The following LOXL2 variants were observed in gnomAD, a reference collection of about 807,000 sequenced individuals.
LOXL2 encodes the protein lysyl oxidase homolog 2.
LOXL2 carries 70 observed loss-of-function variants against 93.0 expected under a neutral mutation model. That is an observed-to-expected ratio of 0.75 (90% CI 0.62 to 0.92). The LOEUF is 0.92. Ranked by LOEUF, LOXL2 falls within the 40% of genes least tolerant of loss-of-function variation. The probability of loss-of-function intolerance (pLI) is 0.00; values close to 1 mark genes in which losing one functional copy is unlikely to be tolerated. For missense variants in LOXL2, 973 were observed against 1,054.9 expected, an observed-to-expected ratio of 0.92 and a Z score of 1.08; for synonymous variants, 438 against 413.2, an observed-to-expected ratio of 1.06 and a Z score of -0.73.
At chr8:23,355,111 T>G (rs1295061965) in intron 3 of LOXL2, among the ~76,000 whole-genome samples, 1 of 151,552 alleles carries the variant, frequency 6.6e-6, no homozygotes, top group East Asian at 1.9e-4. Context: ...CATGCCCAGC[T>G]AATTTGTATT....
chr8:23,302,514 A>ACCT (rs1398807959), intron 11 of LOXL2, among the ~76,000 whole-genome samples: 1 of 151,130 alleles, frequency 6.6e-6, no homozygotes, highest in Middle Eastern at 3.2e-3. Flanking sequence ...GGGGGGTCAT[A>ACCT]CTGTCTGTCT....
chr8:23,302,562 C>G (rs982451634), intron 11 of LOXL2, among the ~76,000 whole-genome samples: 8 of 152,168 alleles, frequency 5.3e-5, no homozygotes, highest in African/African-American at 1.9e-4. Context: ...AGGCCCATGT[C>G]TCTCTGACAC....
At chr8:23,334,970 C>T (rs1200473822) in intron 4 of LOXL2, among the ~76,000 whole-genome samples, 4 of 152,052 alleles carry the variant, frequency 2.6e-5, no homozygotes, top group Non-Finnish European at 5.9e-5. Flanking sequence ...GTACCTGCCA[C>T]CACATCCGGC....
Position 23,393,904 on chromosome 8 carries a change from T to C in LOXL2, c.-84+10050A>G, listed in dbSNP as rs141169176. On this transcript the variant is annotated intron_variant, in intron 1 of 13. Coordinates refer to ENST00000389131, the MANE Select transcript of LOXL2 (RefSeq NM_002318.3). ...CTAGAGGGTAAGCATCTGTAGCTTA[T>C]ACACTTCTGGATCCCCTGTGCTCAA... 2.5e-3 allele frequency among the ~76,000 whole-genome samples: 388 copies of C among 152,310 alleles called. 1 individual carries two copies. Among genetic ancestry groups the C allele is most frequent in the African/African-American group, 9.0e-3 (376 of 41,558 alleles).
chr8:23,319,126 A>G (rs1455682636), intron 8 of LOXL2, among the ~76,000 whole-genome samples: 1 of 152,236 alleles, frequency 6.6e-6, no homozygotes, highest in Non-Finnish European at 1.5e-5. Context: ...CAACCAGGAT[A>G]CTGAGGTCTT....
intron 4 of LOXL2, 110 bp from the exon 5 acceptor site, chr8:23,333,733 C>A: frequency 1.2e-6 from 1 of 854,438 alleles, no homozygotes; most frequent in Non-Finnish European, 1.8e-6. Context: ...GGAGCTCAGC[C>A]CTGCTTCACA....
At position 23,342,580 on chromosome 8, in the gene LOXL2, C is replaced by T. The variant is rs555133646; in HGVS notation, c.532-1377G>A. On this transcript the variant is annotated intron_variant, in intron 3 of 13. Coordinates refer to ENST00000389131, the MANE Select transcript of LOXL2 (RefSeq NM_002318.3). ...CCAAGTAGCTGGGACTACAGGCGCACGCCACCACACCCGGCCAATTGTTTG... is the reference window on the plus strand; with the variant it reads ...CCAAGTAGCTGGGACTACAGGCGCATGCCACCACACCCGGCCAATTGTTTG... Among the ~76,000 whole-genome samples, 278 of 152,068 alleles carry T rather than the reference C, an allele frequency of 1.8e-3. 1 individual carries two copies. The highest frequency in any genetic ancestry group is 5.0e-3 in the African/African-American group (206 of 41,488).
intron 1 of LOXL2, among the ~76,000 whole-genome samples, chr8:23,372,402 G>C (rs1804510725): frequency 1.3e-5 from 2 of 151,978 alleles, no homozygotes; most frequent in South Asian, 2.1e-4. Context: ...ATTTTGAGTA[G>C]AGATGGGGTT....
In LOXL2 at chr8:23,319,304, CAG is replaced by C. The variant is rs548994053; in HGVS notation, c.1470+579_1470+580del. 4.2e-3 allele frequency among the ~76,000 whole-genome samples: 634 copies of C among 152,082 alleles called. 6 individuals are homozygous for C. Among genetic ancestry groups the C allele is most frequent in the African/African-American group, 0.014 (593 of 41,414 alleles). ...GGGGCGGGAGGGTGGGAACTAGGACCAGAGCTCAGCTGTTCTCAGCTGAGTCA... is the reference window on the plus strand; with the variant it reads ...GGGGCGGGAGGGTGGGAACTAGGACCAGCTCAGCTGTTCTCAGCTGAGTCA... On this transcript the variant is annotated intron_variant, in intron 8 of 13. Coordinates refer to ENST00000389131, the MANE Select transcript of LOXL2 (RefSeq NM_002318.3).
chr8:23,395,919 C>T (rs1467547636), intron 1 of LOXL2, among the ~76,000 whole-genome samples: 5 of 152,104 alleles, frequency 3.3e-5, no homozygotes, highest in Admixed American at 1.3e-4. Flanking sequence ...GGCAATCCCC[C>T]AACCTTGGCC....
chr8:23,325,531 ATCCTCCTGCCTCTGCT>A (rs1212832933), intron 6 of LOXL2, among the ~76,000 whole-genome samples: 1 of 152,046 alleles, frequency 6.6e-6, no homozygotes, highest in Non-Finnish European at 1.5e-5. Flanking sequence ...GGCTCAAGTG[ATCCTCCTGCCTCTGCT>A]TCCCAAAGTC....
chr8:23,380,510 C>G (rs1804667840), intron 1 of LOXL2, among the ~76,000 whole-genome samples: 1 of 151,904 alleles, frequency 6.6e-6, no homozygotes, highest in Non-Finnish European at 1.5e-5. Flanking sequence ...ACTCCTAAAT[C>G]TTTTCTAGAA....
intron 6 of LOXL2, among the ~76,000 whole-genome samples, chr8:23,322,630 T>G (rs1247996823): frequency 6.6e-6 from 1 of 152,222 alleles, no homozygotes; most frequent in African/African-American, 2.4e-5. Context: ...TAATATTCCA[T>G]GCATTTATGA....
chr8:23,351,216 A>T (rs1234916527), intron 3 of LOXL2, among the ~76,000 whole-genome samples: 1 of 152,118 alleles, frequency 6.6e-6, no homozygotes, highest in Non-Finnish European at 1.5e-5. Context: ...GGGTCGGGGG[A>T]TTCCTTGGCA....
rs893461874 is a variant in LOXL2 at position 23,303,358 on chromosome 8, C to T, written c.1920G>A (p.Leu640=). 6.2e-7 allele frequency: 1 copy of T among 1,613,576 alleles called. No individual in the cohort carries two copies. Among genetic ancestry groups the T allele is most frequent in the Non-Finnish European group, 8.5e-7 (1 of 1,179,746 alleles). Residue 640 remains leucine, a synonymous_variant, in exon 11 of 14, where the codon CTG becomes CTA. Coordinates refer to ENST00000389131, the MANE Select transcript of LOXL2 (RefSeq NM_002318.3). ...HSMEVFTHYD[L]LNLNGTKVAE... is the part of the protein sequence containing the mutation. ...CCACCTTGGTGCCATTGAGGTTCAG[C>T]AGGTCATAGTGGGTGAACACCTCCA...
intron 3 of LOXL2, chr8:23,341,545 G>A (rs1393167188): frequency 2.3e-5 from 9 of 383,518 alleles, no homozygotes; most frequent in Middle Eastern, 7.8e-4. Context: ...CACAGGCCTC[G>A]AAATAAATGC....
At chr8:23,302,476 C>T (rs748607240) in intron 11 of LOXL2, among the ~76,000 whole-genome samples, 7 of 152,058 alleles carry the variant, frequency 4.6e-5, no homozygotes, top group Non-Finnish European at 1.0e-4. Flanking sequence ...CCGAGGAAAT[C>T]TCTGGTGCCT....
chr8:23,328,708 G>GCTGTGTGT (rs1406520302), intron 5 of LOXL2, 143 bp from the exon 6 acceptor site: 4 of 422,646 alleles, frequency 9.5e-6, no homozygotes, highest in Non-Finnish European at 8.4e-6. Flanking sequence ...TTGATGTATG[G>GCTGTGTGT]ATGTGTGTGT....
chr8:23,347,290 G>T (rs1210240164), intron 3 of LOXL2, among the ~76,000 whole-genome samples: 1 of 152,048 alleles, frequency 6.6e-6, no homozygotes, highest in African/African-American at 2.4e-5. Flanking sequence ...CTGGGAGGTG[G>T]GGGTTGCAGT....
Sources: allele counts gnomAD v4.1 joint callset (sites outside exome capture counted in the v4.1 genomes callset), GRCh38; gene constraint gnomAD v4.1.1; transcripts MANE v1.5; gene names NCBI Gene and HGNC (gene_info 2026-07-23, HGNC 2026-07-21).